SNHG17: variants seen among roughly 807,000 people sequenced by gnomAD.
The protein encoded by SNHG17 is small nucleolar RNA host gene 17.
chr20:38,431,384 T>C (rs1025687652), intron 2 of SNHG17, among the ~76,000 whole-genome samples: 1 of 152,178 alleles, frequency 6.6e-6, no homozygotes, highest in Admixed American at 6.5e-5. Context: ...CAGCCTGTAA[T>C]CACTTTGCAC....
chr20:38,434,031 G>A lies in SNHG17; in HGVS notation n.308+473C>T, dbSNP rs149502047. 1.7e-3 allele frequency: 877 copies of A among 516,176 alleles called. 7 individuals are homozygous for A. The highest frequency in any genetic ancestry group is 0.015 in the African/African-American group (804 of 52,056). The allele number at this position is 516,176 out of a possible 1,614,324, so 32.0% of individuals were successfully genotyped here. On this transcript the variant is annotated intron_variant and non_coding_transcript_variant, in intron 2 of 8. Transcript: ENST00000654008. ...AGGGCAGGTGAGCCCACGTCAGCGT[G>A]TTAGCTGCCAGATCTCCAGAGGGAG...
At chr20:38,427,757 C>T (rs2084273804) in intron 3 of SNHG17, 2 of 163,470 alleles carry the variant, frequency 1.2e-5, no homozygotes, top group East Asian at 1.8e-4. Context: ...ACTTGGCTCT[C>T]GGGATGTTCC....
chr20:38,431,171 C>T (rs1329027625), intron 2 of SNHG17: 1 of 152,242 alleles, frequency 6.6e-6, no homozygotes, highest in African/African-American at 2.4e-5. Flanking sequence ...TATGGCAAGT[C>T]CAGGAAACCA....
chr20:38,434,919 C>T (rs2084406254), intron 1 of SNHG17: 1 of 1,223,916 alleles, frequency 8.2e-7, no homozygotes, highest in South Asian at 4.3e-5. Context: ...GCCCTGTTTC[C>T]CGCCATCCAG....
intron 1 of SNHG17, chr20:38,435,060 T>TG: frequency 6.5e-6 from 8 of 1,231,728 alleles, no homozygotes; most frequent in Non-Finnish European, 7.1e-6. Flanking sequence ...ACGCGAATCC[T>TG]GGGGGGCTCA....
intron 5 of SNHG17, among the ~76,000 whole-genome samples, chr20:38,423,107 A>C (rs527989222): frequency 8.6e-5 from 13 of 152,000 alleles, no homozygotes; most frequent in African/African-American, 2.2e-4. Context: ...AAAAAAAAGA[A>C]GACCCTGGGC....
At chr20:38,423,799 G>T (rs2084199537) in intron 5 of SNHG17, among the ~76,000 whole-genome samples, 1 of 152,132 alleles carries the variant, frequency 6.6e-6, no homozygotes, top group Non-Finnish European at 1.5e-5. Context: ...CTTCACCATA[G>T]TAACCACTGT....
chr20:38,431,899 C>A (rs755483286), intron 2 of SNHG17: 1 of 552,694 alleles, frequency 1.8e-6, no homozygotes, highest in Non-Finnish European at 2.3e-6. Context: ...GACACTCTTA[C>A]CTCACCTCTC....
intron 5 of SNHG17, chr20:38,425,305 A>T: frequency 1.9e-6 from 1 of 519,208 alleles, no homozygotes; most frequent in South Asian, 1.4e-5. Flanking sequence ...GGGCAAAGGC[A>T]GCCCACGATC....
chr20:38,421,378 T>C (rs1296805541), intron 6 of SNHG17: 1 of 152,218 alleles, frequency 6.6e-6, no homozygotes, highest in Non-Finnish European at 1.5e-5. Flanking sequence ...TTGTTCGACA[T>C]TACTGATGGT....
chr20:38,421,487 G>A (rs748714047), intron 6 of SNHG17: 28 of 152,176 alleles, frequency 1.8e-4, no homozygotes, highest in Admixed American at 4.6e-4. Flanking sequence ...TCATTCCAGC[G>A]TGGGGCCCAG....
chr20:38,427,122 G>A lies in SNHG17; in HGVS notation n.381-619C>T, dbSNP rs77657775. 5.8e-3 allele frequency among the ~76,000 whole-genome samples: 802 copies of A among 139,254 alleles called. 22 individuals carry two copies. The highest frequency in any genetic ancestry group is 0.02 in the African/African-American group (770 of 38,438). 91.4% of individuals were successfully genotyped at this position (139,254 alleles called of 152,430 possible). A position where few individuals can be genotyped will look rare whatever the true frequency, so the allele number is the denominator to read the frequency against. ...TATTCGAAACTGTGCTATCCACTGCGACACACCATGACTCATTACATATCA... is the reference window on the plus strand; with the variant it reads ...TATTCGAAACTGTGCTATCCACTGCAACACACCATGACTCATTACATATCA... On this transcript the variant is annotated intron_variant and non_coding_transcript_variant, in intron 3 of 8. Transcript: ENST00000654008.
intron 3 of SNHG17, chr20:38,428,854 C>G (rs756065): frequency 0.042 from 6,461 of 152,242 alleles, 174 homozygotes; most frequent in East Asian, 0.098. Context: ...GAAAATCCTC[C>G]CCATACAAGG....
intron 2 of SNHG17, among the ~76,000 whole-genome samples, chr20:38,432,488 A>C (rs539415969): frequency 5.3e-5 from 8 of 152,120 alleles, no homozygotes; most frequent in African/African-American, 1.9e-4. Context: ...GCCTAGCTAT[A>C]CCTCTGGCTT....
intron 3 of SNHG17, among the ~76,000 whole-genome samples, chr20:38,427,101 C>T (rs1204916388): frequency 2.1e-5 from 3 of 139,576 alleles, no homozygotes; most frequent in East Asian, 2.4e-4. Flanking sequence ...TGCACTTATT[C>T]GAAACTGTGC....
chr20:38,425,322 G>C (rs375885451), intron 5 of SNHG17: 35 of 519,112 alleles, frequency 6.7e-5, no homozygotes, highest in African/African-American at 6.3e-4. Context: ...GATCACTTTC[G>C]AATACAGGGA....
intron 3 of SNHG17, among the ~76,000 whole-genome samples, chr20:38,430,213 C>T (rs1481417323): frequency 1.3e-5 from 2 of 152,038 alleles, no homozygotes; most frequent in Non-Finnish European, 2.9e-5. Context: ...CCCAGCTACT[C>T]GGGAGGATGA....
chr20:38,423,963 G>A (rs1206160284), intron 5 of SNHG17, among the ~76,000 whole-genome samples: 1 of 152,130 alleles, frequency 6.6e-6, no homozygotes, highest in African/African-American at 2.4e-5. Flanking sequence ...CATAAGGCCA[G>A]GACTTCGAGA....
At chr20:38,428,765 A>G (rs1329787614) in intron 3 of SNHG17, 2 of 152,252 alleles carry the variant, frequency 1.3e-5, no homozygotes, top group Non-Finnish European at 2.9e-5. Flanking sequence ...AGCCGTGCAG[A>G]GGCTGCTGCC....
Sources: allele counts gnomAD v4.1 joint callset (sites outside exome capture counted in the v4.1 genomes callset), GRCh38; gene constraint gnomAD v4.1.1; transcripts MANE v1.5; gene names NCBI Gene and HGNC (gene_info 2026-07-23, HGNC 2026-07-21).